The following SNX18 variants were observed in gnomAD, a reference collection of about 807,000 sequenced individuals.
SNX18 encodes the protein sorting nexin 18.
In SNX18, 35 loss-of-function variants were observed where a neutral mutation model predicts 48.7. The observed-to-expected ratio is 0.72, with a 90% CI of 0.55 to 0.95. The LOEUF is 0.95. Among genes scored for constraint, SNX18 ranks in the 40% least tolerant of loss-of-function variants. The pLI, the probability that SNX18 is intolerant of heterozygous loss-of-function variation, is 0.00. For synonymous variants in SNX18, 492 were observed against 384.7 expected, an observed-to-expected ratio of 1.28 and a Z score of -3.26; for missense variants, 824 against 871.0, an observed-to-expected ratio of 0.95 and a Z score of 0.68.
the SNX18 span, among the ~76,000 whole-genome samples, chr5:54,583,553 T>G: frequency 6.6e-6 from 1 of 152,208 alleles, no homozygotes; most frequent in East Asian, 1.9e-4. Flanking sequence ...TCAGCAAACC[T>G]GGGCCCAGAT....
chr5:54,622,103 C>A, the SNX18 span, among the ~76,000 whole-genome samples: 89 of 152,302 alleles, frequency 5.8e-4, 1 homozygote, highest in South Asian at 1.4e-3. Context: ...TCTGTTTATA[C>A]AAAATGATGC....
At chr5:54,616,630 G>A in the SNX18 span, among the ~76,000 whole-genome samples, 46 of 152,048 alleles carry the variant, frequency 3.0e-4, no homozygotes, top group Non-Finnish European at 2.9e-4. Context: ...TTAGCCAGGC[G>A]AAGTGGCAGG....
chr5:54,616,865 C>T, the SNX18 span, among the ~76,000 whole-genome samples: 3 of 152,140 alleles, frequency 2.0e-5, no homozygotes, highest in Admixed American at 2.0e-4. Flanking sequence ...GTGCTCACTG[C>T]CTAAACTCAG....
the SNX18 span, among the ~76,000 whole-genome samples, chr5:54,603,848 G>C: frequency 6.6e-6 from 1 of 152,174 alleles, no homozygotes; most frequent in African/African-American, 2.4e-5. Flanking sequence ...AGGATGTATT[G>C]AGTACCTTCT....
the SNX18 span, among the ~76,000 whole-genome samples, chr5:54,647,530 G>C: frequency 4.6e-5 from 7 of 152,316 alleles, no homozygotes; most frequent in East Asian, 1.4e-3. Flanking sequence ...GCATGGTTTG[G>C]GAACTATAAG....
At position 54,537,761 on chromosome 5, in the gene SNX18, C is replaced by T. The variant is rs185955968; in HGVS notation, c.1622-5418C>T. Among the ~76,000 whole-genome samples, 351 of 152,208 alleles carry T rather than the reference C, an allele frequency of 2.3e-3. 1 individual carries two copies. The highest frequency in any genetic ancestry group is 8.2e-3 in the African/African-American group (342 of 41,520). On this transcript the variant is annotated intron_variant, in intron 1 of 1. Coordinates refer to ENST00000381410, the MANE Select transcript of SNX18 (RefSeq NM_001102575.2). Reference sequence around the variant, plus strand: ...GCTATTGCCTGTTTTCATATTGATTCCATCATGAAAAATGTGTAGTCCTTG... The same window carrying T: ...GCTATTGCCTGTTTTCATATTGATTTCATCATGAAAAATGTGTAGTCCTTG...
At position 54,545,189 on chromosome 5, in the gene SNX18, T is replaced by C. The variant is rs1451479187; in HGVS notation, c.*1757T>C. ...TGTGGCTTTGTCTTTACTACAGATA[T>C]GTGGAACTGTAACCAAATATGTTGT... is the stretch of plus-strand genomic sequence containing the variant. On this transcript the variant is annotated 3_prime_UTR_variant, in exon 2 of 2. Coordinates refer to ENST00000381410, the MANE Select transcript of SNX18 (RefSeq NM_001102575.2). 2.6e-5 allele frequency: 4 copies of C among 152,218 alleles called. No individual in the cohort carries two copies. The highest frequency in any genetic ancestry group is 9.6e-5 in the African/African-American group (4 of 41,460). 9.4% of individuals were successfully genotyped at this position (152,218 alleles called of 1,614,324 possible).
chr5:54,556,018 C>T, the SNX18 span, among the ~76,000 whole-genome samples: 2 of 152,156 alleles, frequency 1.3e-5, no homozygotes, highest in African/African-American at 2.4e-5. Context: ...TCAGCCCTCA[C>T]CAAAAGCAGA....
chr5:54,593,047 C>T, the SNX18 span, among the ~76,000 whole-genome samples: 13 of 152,180 alleles, frequency 8.5e-5, no homozygotes, highest in East Asian at 3.9e-4. Context: ...GTGATCCACA[C>T]GCCTCAGCCT....
the SNX18 span, among the ~76,000 whole-genome samples, chr5:54,593,133 A>G: frequency 6.6e-6 from 1 of 152,196 alleles, no homozygotes. Context: ...CGGCTGCTCT[A>G]TGAAAAAAAT....
chr5:54,642,208 T>A, the SNX18 span, among the ~76,000 whole-genome samples: 3 of 152,170 alleles, frequency 2.0e-5, no homozygotes, highest in South Asian at 6.2e-4. Flanking sequence ...CTCCTGTAAA[T>A]CTTTAACAAA....
At chr5:54,552,395 A>G in the SNX18 span, among the ~76,000 whole-genome samples, 38 of 152,316 alleles carry the variant, frequency 2.5e-4, no homozygotes, top group Middle Eastern at 3.4e-3. Flanking sequence ...TTGGATTCTG[A>G]AGCCCTTAAT....
chr5:54,631,927 G>A, the SNX18 span, among the ~76,000 whole-genome samples: 625 of 152,320 alleles, frequency 4.1e-3, 1 homozygote, highest in African/African-American at 0.014. Flanking sequence ...TTGGGCCAGA[G>A]CAGATTACAC....
the SNX18 span, among the ~76,000 whole-genome samples, chr5:54,593,425 A>C: frequency 1.3e-5 from 2 of 152,340 alleles, no homozygotes; most frequent in East Asian, 3.9e-4. Flanking sequence ...CCATGTTCAT[A>C]GATTGGAAGA....
At chr5:54,646,603 C>T in the SNX18 span, among the ~76,000 whole-genome samples, 2 of 152,236 alleles carry the variant, frequency 1.3e-5, no homozygotes, top group African/African-American at 4.8e-5. Context: ...TAACAAACTA[C>T]ACCCATCAAC....
chr5:54,635,572 C>G, the SNX18 span, among the ~76,000 whole-genome samples: 16 of 152,028 alleles, frequency 1.1e-4, no homozygotes, highest in African/African-American at 3.6e-4. Flanking sequence ...CATGTTGGTC[C>G]CAGCAGGTCA....
At chr5:54,595,882 C>T in the SNX18 span, among the ~76,000 whole-genome samples, 1 of 152,202 alleles carries the variant, frequency 6.6e-6, no homozygotes, top group Non-Finnish European at 1.5e-5. Context: ...GTTTCCCAGG[C>T]ATGTGACTGC....
At chr5:54,631,136 T>C in the SNX18 span, among the ~76,000 whole-genome samples, 3 of 152,226 alleles carry the variant, frequency 2.0e-5, no homozygotes, top group African/African-American at 7.2e-5. Context: ...TACAGCCACA[T>C]TTATATCATC....
downstream of SNX18, chr5:54,546,627 G>A (rs1425995624): frequency 1.3e-5 from 2 of 152,122 alleles, no homozygotes; most frequent in Admixed American, 1.3e-4. Flanking sequence ...ACTCATCAAG[G>A]AGGCATTTAT....
Sources: gnomAD v4.1 joint callset for allele counts (sites outside exome capture counted in the v4.1 genomes callset) on GRCh38, gnomAD v4.1.1 for gene constraint, MANE v1.5 for transcripts, NCBI Gene and HGNC (gene_info 2026-07-23, HGNC 2026-07-21) for gene names.